Variants in BMPR1B observed in about 807,000 individuals in gnomAD.
The protein encoded by BMPR1B is bone morphogenetic protein receptor type 1B.
BMPR1B carries 12 observed loss-of-function variants against 59.1 expected under a neutral mutation model. The observed-to-expected ratio is 0.20, with a 90% CI of 0.13 to 0.33. BMPR1B has a LOEUF of 0.33. Among genes scored for constraint, BMPR1B ranks in the 10% least tolerant of loss-of-function variants. The probability of loss-of-function intolerance (pLI) is 1.00; values close to 1 mark genes in which losing one functional copy is unlikely to be tolerated. For missense variants in BMPR1B, 550 were observed against 610.9 expected (o/e 0.90, Z 1.05); for synonymous variants, 237 against 207.3 (o/e 1.14, Z -1.23).
At chr4:95,091,963 A>C (rs1327342943) in intron 3 of BMPR1B, among the ~76,000 whole-genome samples, 1 of 152,110 alleles carries the variant, frequency 6.6e-6, no homozygotes, top group East Asian at 1.9e-4. Flanking sequence ...TGTCAAGGTT[A>C]AAATCAAGTG....
chr4:94,841,608 A>G (rs868851822), intron 1 of BMPR1B, among the ~76,000 whole-genome samples: 5 of 151,966 alleles, frequency 3.3e-5, no homozygotes, highest in African/African-American at 7.3e-5. Flanking sequence ...GCAATGCCTC[A>G]CCCTGCTTCG....
In BMPR1B at chr4:94,862,961, AAAAAAAT is replaced by A. The variant is rs1229541031; in HGVS notation, c.-182-12869_-182-12863del. On this transcript the variant is annotated intron_variant, in intron 1 of 12. Coordinates refer to ENST00000515059, the MANE Select transcript of BMPR1B (RefSeq NM_001203.3). ...CTCCGTCTCAAAAAAAAAAAAAAAA[AAAAAAAT>A]TTAGCTGGGCATGGTGGTGGGCGCC... 1.2e-4 allele frequency among the ~76,000 whole-genome samples: 18 copies of A among 148,582 alleles called. 1 individual carries two copies. Among genetic ancestry groups the A allele is most frequent in the African/African-American group, 3.5e-4 (14 of 39,630 alleles).
chr4:94,915,565 T>TA lies in BMPR1B; in HGVS notation c.-113+39666dup, dbSNP rs532440688. On this transcript the variant is annotated intron_variant, in intron 2 of 12. Transcript: ENST00000515059. Reference sequence around the variant, plus strand: ...AGATGTTTCATCTTTTCTGTAATAATACTTCCTCTTTAAAAATGTTTTTGA... The same window carrying TA: ...AGATGTTTCATCTTTTCTGTAATAATAACTTCCTCTTTAAAAATGTTTTTGA... 7.9e-5 allele frequency among the ~76,000 whole-genome samples: 12 copies of TA among 152,330 alleles called. No individual in the cohort carries two copies. In the East Asian group the frequency reaches 2.3e-3, roughly 29 times the overall value.
At chr4:94,970,891 G>A (rs114465357) in intron 2 of BMPR1B, among the ~76,000 whole-genome samples, 4,413 of 152,040 alleles carry the variant, frequency 0.029, 207 homozygotes, top group African/African-American at 0.1. Context: ...AGCCCTTTAA[G>A]TTACATTTTT....
intron 3 of BMPR1B, among the ~76,000 whole-genome samples, chr4:95,081,597 T>C (rs993146014): frequency 6.6e-6 from 1 of 152,164 alleles, no homozygotes; most frequent in Non-Finnish European, 1.5e-5. Flanking sequence ...TATTCATGCA[T>C]AGGTAAAAGA....
intron 2 of BMPR1B, among the ~76,000 whole-genome samples, chr4:94,935,274 T>C (rs1397421867): frequency 2.0e-5 from 3 of 152,180 alleles, no homozygotes; most frequent in African/African-American, 7.2e-5. Flanking sequence ...GGAATATATA[T>C]GTCTCTGGAT....
chr4:95,033,133 G>T (rs953863426), intron 3 of BMPR1B, among the ~76,000 whole-genome samples: 6 of 151,964 alleles, frequency 3.9e-5, no homozygotes, highest in Admixed American at 6.6e-5. Flanking sequence ...TTTTTAACTG[G>T]GTTGTTCATA....
intron 3 of BMPR1B, among the ~76,000 whole-genome samples, chr4:95,043,615 ATTTAAG>A: frequency 6.6e-6 from 1 of 152,342 alleles, no homozygotes; most frequent in Middle Eastern, 3.4e-3. Flanking sequence ...ATTGTAGTAG[ATTTAAG>A]GTATCATTCT....
intron 2 of BMPR1B, among the ~76,000 whole-genome samples, chr4:94,985,757 A>G (rs1721367514): frequency 6.6e-6 from 1 of 152,216 alleles, no homozygotes; most frequent in Non-Finnish European, 1.5e-5. Flanking sequence ...TCTTTCGAAC[A>G]TTCACACACT....
At chr4:95,152,851 G>C (rs956220890) in intron 12 of BMPR1B, 78 bp downstream of exon 12, 1 of 1,540,752 alleles carries the variant, frequency 6.5e-7, no homozygotes, top group Non-Finnish European at 8.8e-7. Context: ...TCCACATATT[G>C]ATTGTAGGAA....
intron 6 of BMPR1B, among the ~76,000 whole-genome samples, chr4:95,120,610 T>TTCCTTCCTTCCTTCC (rs1732408864): frequency 1.6e-5 from 2 of 122,586 alleles, no homozygotes; most frequent in African/African-American, 3.0e-5. Flanking sequence ...ATAGCCTGCC[T>TTCCTTCCTTCCTTCC]TTCCTTCCTT....
chr4:94,986,335 A>G (rs1317131405), intron 2 of BMPR1B, among the ~76,000 whole-genome samples: 1 of 152,186 alleles, frequency 6.6e-6, no homozygotes, highest in Admixed American at 6.6e-5. Context: ...AAATTAGAGG[A>G]TGGAAAACAA....
At chr4:94,909,254 T>C (rs1488210964) in intron 2 of BMPR1B, among the ~76,000 whole-genome samples, 2 of 152,114 alleles carry the variant, frequency 1.3e-5, no homozygotes, top group Non-Finnish European at 2.9e-5. Context: ...GAGAAGACTC[T>C]ATTTCCTGTG....
chr4:95,125,775 G>A (rs1356781539), intron 8 of BMPR1B, among the ~76,000 whole-genome samples: 2 of 151,998 alleles, frequency 1.3e-5, no homozygotes, highest in African/African-American at 4.8e-5. Flanking sequence ...CCATTACTGT[G>A]GAGTTCTTTC....
chr4:95,112,154 C>G (rs891785218), intron 4 of BMPR1B, among the ~76,000 whole-genome samples: 1 of 152,088 alleles, frequency 6.6e-6, no homozygotes, highest in Non-Finnish European at 1.5e-5. Flanking sequence ...TTCCCTGATT[C>G]ATCCTATGTT....
chr4:95,109,415 G>A (rs1332026680), intron 4 of BMPR1B, among the ~76,000 whole-genome samples: 1 of 152,090 alleles, frequency 6.6e-6, no homozygotes, highest in African/African-American at 2.4e-5. Context: ...CAAAGTTTGT[G>A]TTAACTCAGG....
chr4:94,919,072 T>C (rs1345382782), intron 2 of BMPR1B, among the ~76,000 whole-genome samples: 1 of 152,144 alleles, frequency 6.6e-6, no homozygotes, highest in Admixed American at 6.6e-5. Flanking sequence ...GAAGATCTTA[T>C]AACGTGATGC....
chr4:94,850,340 T>C (rs1464004658), intron 1 of BMPR1B, among the ~76,000 whole-genome samples: 1 of 152,088 alleles, frequency 6.6e-6, no homozygotes, highest in Non-Finnish European at 1.5e-5. Context: ...TTCAAAAATA[T>C]AAAAAGCACA....
chr4:94,912,477 A>G (rs564992728), intron 2 of BMPR1B, among the ~76,000 whole-genome samples: 1 of 152,196 alleles, frequency 6.6e-6, no homozygotes, highest in South Asian at 2.1e-4. Flanking sequence ...GCAAAGTGGG[A>G]TATGGGGAAA....
Sources: gnomAD v4.1 joint callset for allele counts (sites outside exome capture counted in the v4.1 genomes callset) on GRCh38, gnomAD v4.1.1 for gene constraint, MANE v1.5 for transcripts, NCBI Gene and HGNC (gene_info 2026-07-23, HGNC 2026-07-21) for gene names.